Variants in CACTIN observed in about 807,000 individuals in gnomAD.
CACTIN encodes the protein cactin, spliceosome C complex subunit, also known as splicing factor Cactin.
A neutral mutation model predicts 84.9 loss-of-function variants in CACTIN; 20 were observed. The ratio of observed to expected loss-of-function variants is 0.24; its 90% CI spans 0.17 to 0.34. The LOEUF (loss-of-function observed/expected upper bound fraction) is 0.34, where lower values mean the gene tolerates loss of function less well. Ranked by LOEUF, CACTIN falls within the 10% of genes least tolerant of loss-of-function variation. The pLI, the probability that CACTIN is intolerant of heterozygous loss-of-function variation, is 1.00. For missense variants in CACTIN, 897 were observed against 1,117.2 expected (o/e 0.80, Z 2.81); for synonymous variants, 549 against 467.9 (o/e 1.17, Z -2.24).
Position 3,613,140 on chromosome 19 carries a change from C to G in CACTIN, c.1704G>C (p.Glu568Asp), listed in dbSNP as rs776025793. The change falls in exon 9 of 10, where the codon GAG becomes GAC. Residue 568 changes from glutamate (E) to aspartate (D), a missense_variant. Around this residue, in one of 8 missense-constraint regions of CACTIN, gnomAD observed 243 missense variants for 239.9 expected, o/e 1.01. Transcript: ENST00000429344. ...CCAGCACGTGCGCGTCCAGTGGCAG[C>G]TCGTGCGCCGTGAGCAGCCGCGGGC... Reference protein sequence around the residue: ...RYSPRLLTAHELPLDAHVLEP... With the variant: ...RYSPRLLTAHDLPLDAHVLEP... The G allele has an allele frequency of 6.2e-7, 1 of 1,607,852 alleles. No individual in the cohort carries two copies. Among genetic ancestry groups the G allele is most frequent in the Non-Finnish European group, 8.5e-7 (1 of 1,178,950 alleles).
intron 1 of CACTIN, among the ~76,000 whole-genome samples, chr19:3,624,631 G>A (rs571034845): frequency 6.6e-6 from 1 of 152,142 alleles, no homozygotes; most frequent in Non-Finnish European, 1.5e-5. Context: ...GGGGGAGAGG[G>A]AGGAGGCGCG....
intron 4 of CACTIN, 34 bp downstream of exon 4, chr19:3,620,093 T>C (rs1370963726): frequency 6.2e-7 from 1 of 1,604,656 alleles, no homozygotes; most frequent in Non-Finnish European, 8.5e-7. Flanking sequence ...TGGCTCCAAG[T>C]CTGGGTCGGA....
At chr19:3,622,713 C>T (rs943112038) in intron 2 of CACTIN, among the ~76,000 whole-genome samples, 3 of 152,192 alleles carry the variant, frequency 2.0e-5, no homozygotes, top group East Asian at 1.9e-4. Context: ...GACTCCAGAA[C>T]GAAGAGATGA....
chr19:3,624,239 G>T (rs2033289063), intron 1 of CACTIN, 77 bp from the exon 2 acceptor site: 2 of 1,307,268 alleles, frequency 1.5e-6, no homozygotes, highest in East Asian at 2.3e-5. Flanking sequence ...GGGTGCCCGT[G>T]GGGGAGCAGG....
intron 2 of CACTIN, among the ~76,000 whole-genome samples, chr19:3,623,210 G>C (rs987577782): frequency 3.3e-5 from 5 of 152,146 alleles, no homozygotes; most frequent in African/African-American, 1.2e-4. Context: ...ACTCCAGCCT[G>C]GGTGACAGAG....
chr19:3,613,300 G>C lies in CACTIN; in HGVS notation c.1544C>G (p.Ala515Gly), dbSNP rs2033015546. 1 of 1,595,144 alleles carries C rather than the reference G, an allele frequency of 6.3e-7. No individual in the cohort carries two copies. The highest frequency in any genetic ancestry group is 2.3e-5 in the East Asian group (1 of 44,172). ...GPSSEGGPAE[A>G]EVDGATPTEG... ...TGTCGGGGTCGCGCCGTCCACCTCGGCCTCCGCGGGGCCGCCCTCCGAGGA... is the reference window on the plus strand; with the variant it reads ...TGTCGGGGTCGCGCCGTCCACCTCGCCCTCCGCGGGGCCGCCCTCCGAGGA... The change falls in exon 9 of 10, where the codon GCC becomes GGC. Residue 515 changes from alanine to glycine, a missense_variant. Ala to Gly is a moderately conservative substitution (Grantham distance 60). Transcript: ENST00000429344.
chr19:3,619,763 T>C (rs887623355), intron 4 of CACTIN, among the ~76,000 whole-genome samples: 1 of 152,062 alleles, frequency 6.6e-6, no homozygotes, highest in Non-Finnish European at 1.5e-5. Flanking sequence ...GAGCCTGATG[T>C]CACCCGCCAC....
At chr19:3,612,899 G>T (rs1028958539) in intron 9 of CACTIN, 159 bp downstream of exon 9, 11 of 871,512 alleles carry the variant, frequency 1.3e-5, no homozygotes, top group Non-Finnish European at 1.8e-5. Context: ...GCCCCAGTGC[G>T]CGTGCAGGTG....
rs181860578 is a variant in CACTIN at position 3,616,140 on chromosome 19, G to A, written c.1163-1551C>T. 1,382 of 152,330 alleles carry A rather than the reference G, an allele frequency of 9.1e-3. 10 individuals carry two copies. The highest frequency in any genetic ancestry group is 0.016 in the Non-Finnish European group (1,081 of 68,062). The allele number at this position is 152,330 out of a possible 1,614,324, so 9.4% of individuals were successfully genotyped here. A position where few individuals can be genotyped will look rare whatever the true frequency, so the allele number is the denominator to read the frequency against. On this transcript the variant is annotated intron_variant, in intron 6 of 9. Coordinates refer to ENST00000429344, the MANE Select transcript of CACTIN (RefSeq NM_001080543.2). ...CCAGCAGCTGCTAGAGGCTGGGGGTGCAGGCCAAGGGCCCTGGGGCTGCGT... is the reference window on the plus strand; with the variant it reads ...CCAGCAGCTGCTAGAGGCTGGGGGTACAGGCCAAGGGCCCTGGGGCTGCGT...
Position 3,610,778 on chromosome 19 carries a change from GGGGTGTCTGGGAGGGGCTGT to G in CACTIN, c.*1125_*1144del, listed in dbSNP as rs1568288917. ...AAACGGAACTATTTCCAGATGAGGCGGGGTGTCTGGGAGGGGCTGTGGGTGGTCTGGGGCTGGTGACTGGT... is the reference window on the plus strand; with the variant it reads ...AAACGGAACTATTTCCAGATGAGGCGGGGTGGTCTGGGGCTGGTGACTGGT... On this transcript the variant is annotated 3_prime_UTR_variant, in exon 10 of 10. Coordinates refer to ENST00000429344, the MANE Select transcript of CACTIN (RefSeq NM_001080543.2). The G allele has an allele frequency of 2.2e-6, 1 of 457,010 alleles. No homozygotes were observed. The highest frequency in any genetic ancestry group is 1.5e-5 in the South Asian group (1 of 64,572). The allele number at this position is 457,010 out of a possible 1,614,324, so 28.3% of individuals were successfully genotyped here.
chr19:3,623,063 C>G (rs2033256801), intron 2 of CACTIN, among the ~76,000 whole-genome samples: 1 of 152,030 alleles, frequency 6.6e-6, no homozygotes, highest in Non-Finnish European at 1.5e-5. Context: ...TAGTGAGACT[C>G]CATCTTTACA....
At position 3,618,177 on chromosome 19, in the gene CACTIN, C is replaced by CCGGGGG. The variant is rs56057264; in HGVS notation, c.1162+697_1162+698insCCCCCG. Reference sequence around the variant, plus strand: ...GGGCTGCTGTGGTTGGCTTTTAGACCGGGGGGGGGGGGGGTCTCATCTAGG... The same window carrying CCGGGGG: ...GGGCTGCTGTGGTTGGCTTTTAGACCCGGGGGGGGGGGGGGGGGGGTCTCATCTAGG... On this transcript the variant is annotated intron_variant, in intron 6 of 9. Coordinates refer to ENST00000429344, the MANE Select transcript of CACTIN (RefSeq NM_001080543.2). 6.7e-4 allele frequency among the ~76,000 whole-genome samples: 72 copies of CCGGGGG among 107,976 alleles called. 16 individuals are homozygous for CCGGGGG. Among genetic ancestry groups the CCGGGGG allele is most frequent in the African/African-American group, 2.9e-3 (69 of 23,442 alleles). The allele number at this position is 107,976 out of a possible 152,430, so 70.8% of individuals were successfully genotyped here. A position where few individuals can be genotyped will look rare whatever the true frequency, so the allele number is the denominator to read the frequency against.
intron 1 of CACTIN, among the ~76,000 whole-genome samples, chr19:3,625,365 T>C (rs2033312490): frequency 1.3e-5 from 2 of 152,198 alleles, no homozygotes; most frequent in African/African-American, 4.8e-5. Context: ...ATTACATATC[T>C]AGAGTGGCAA....
In CACTIN at chr19:3,623,670, C is replaced by T. The variant is rs762723100; in HGVS notation, c.642+18G>A. 6.3e-7 allele frequency: 1 copy of T among 1,576,130 alleles called. No individual in the cohort carries two copies. The highest frequency in any genetic ancestry group is 1.4e-5 in the African/African-American group (1 of 74,048). On this transcript the variant is annotated intron_variant, in intron 2 of 9. Transcript: ENST00000429344. ...GGAAATGCTACAGGGACAGAGGCCACCACCCGGCGGGGCCCACCTTATTCC... is the reference window on the plus strand; with the variant it reads ...GGAAATGCTACAGGGACAGAGGCCATCACCCGGCGGGGCCCACCTTATTCC...
At position 3,613,446 on chromosome 19, in the gene CACTIN, G is replaced by A; in HGVS notation, c.1478+18C>T. 6.4e-7 allele frequency: 1 copy of A among 1,564,000 alleles called. No individual in the cohort carries two copies. ...TCCGCGTCTGCATCGGCGTCCCCGGGGTGCCGGCCGGGCCTACCTGCGGCT... is the reference window on the plus strand; with the variant it reads ...TCCGCGTCTGCATCGGCGTCCCCGGAGTGCCGGCCGGGCCTACCTGCGGCT... On this transcript the variant is annotated intron_variant, in intron 8 of 9. Transcript: ENST00000429344.
chr19:3,613,298 C>T lies in CACTIN; in HGVS notation c.1546G>A (p.Glu516Lys), dbSNP rs775217403. 6.3e-6 allele frequency: 10 copies of T among 1,595,828 alleles called. No individual in the cohort carries two copies. Among genetic ancestry groups the T allele is most frequent in the South Asian group, 2.2e-5 (2 of 90,338 alleles). ...TCTGTCGGGGTCGCGCCGTCCACCTCGGCCTCCGCGGGGCCGCCCTCCGAG... is the reference window on the plus strand; with the variant it reads ...TCTGTCGGGGTCGCGCCGTCCACCTTGGCCTCCGCGGGGCCGCCCTCCGAG... ...PSSEGGPAEA[E>K]VDGATPTEGD... The change falls in exon 9 of 10, where the codon GAG (glutamate) becomes AAG (lysine). Residue 516 changes from glutamate to lysine, a missense_variant. Physicochemically the swap from Glu to Lys is moderately conservative, Grantham distance 56. Around this residue, in one of 8 missense-constraint regions of CACTIN, gnomAD observed 243 missense variants for 239.9 expected, o/e 1.01. Transcript: ENST00000429344.
rs1034314786 is a variant in CACTIN at position 3,611,075 on chromosome 19, C to T, written c.*848G>A. 2.5e-6 allele frequency: 1 copy of T among 401,384 alleles called. No homozygotes were observed. The highest frequency in any genetic ancestry group is 5.0e-6 in the Non-Finnish European group (1 of 198,604). 24.9% of individuals were successfully genotyped at this position (401,384 alleles called of 1,614,324 possible). A position where few individuals can be genotyped will look rare whatever the true frequency, so the allele number is the denominator to read the frequency against. The stretch of plus-strand genomic sequence containing the variant: ...CCGTGAGCAGGCCAGGTGGGGGGAT[C>T]CCTGGGGGAAGCCCCTCACCCTTCT... On this transcript the variant is annotated 3_prime_UTR_variant, in exon 10 of 10. Coordinates refer to ENST00000429344, the MANE Select transcript of CACTIN (RefSeq NM_001080543.2).
chr19:3,620,110 G>C lies in CACTIN; in HGVS notation c.884+17C>G. The C allele has an allele frequency of 6.2e-7, 1 of 1,608,288 alleles. No individual in the cohort carries two copies. The highest frequency in any genetic ancestry group is 8.5e-7 in the Non-Finnish European group (1 of 1,179,638). On this transcript the variant is annotated intron_variant, in intron 4 of 9. Coordinates refer to ENST00000429344, the MANE Select transcript of CACTIN (RefSeq NM_001080543.2). ...GCTCCAAGTCTGGGTCGGAGGGAGGGGGAGGCCCCAGCGCACCGCAGCTTG... is the reference window on the plus strand; with the variant it reads ...GCTCCAAGTCTGGGTCGGAGGGAGGCGGAGGCCCCAGCGCACCGCAGCTTG...
chr19:3,619,981 G>T (rs184958312), intron 4 of CACTIN, 146 bp downstream of exon 4: 2 of 961,870 alleles, frequency 2.1e-6, no homozygotes, highest in Non-Finnish European at 3.1e-6. Flanking sequence ...AAGCCTTGCC[G>T]CCCGGGAAGG....
Sources: allele counts gnomAD v4.1 joint callset (sites outside exome capture counted in the v4.1 genomes callset), GRCh38; gene constraint gnomAD v4.1.1; regional missense constraint gnomAD v4.1.1; transcripts MANE v1.5; gene names NCBI Gene and HGNC (gene_info 2026-07-23, HGNC 2026-07-21).